The following ARMH3 variants were observed in gnomAD, a reference collection of about 807,000 sequenced individuals.
ARMH3 encodes the protein armadillo-like helical domain-containing protein 3.
A neutral mutation model predicts 99.1 loss-of-function variants in ARMH3; 60 were observed. That is an observed-to-expected ratio of 0.61 (90% confidence interval 0.49 to 0.75). The LOEUF (loss-of-function observed/expected upper bound fraction) is 0.75, where lower values mean the gene tolerates loss of function less well. Among genes scored for constraint, ARMH3 ranks in the 30% least tolerant of loss-of-function variants. ARMH3 has a pLI of 0.00. For synonymous variants in ARMH3, 285 were observed against 292.8 expected (o/e 0.97, Z 0.27); for missense variants, 679 against 843.1 (o/e 0.81, Z 2.41).
intron 22 of ARMH3, among the ~76,000 whole-genome samples, chr10:101,946,105 T>TAAAAAAAAAA (rs1844518460): frequency 1.4e-5 from 1 of 72,376 alleles, no homozygotes; most frequent in African/African-American, 7.6e-5. Flanking sequence ...AAAAAAAAAG[T>TAAAAAAAAAA]CCAGGAGGTA....
chr10:101,915,662 C>T (rs1475823936), intron 23 of ARMH3, among the ~76,000 whole-genome samples: 1 of 152,148 alleles, frequency 6.6e-6, no homozygotes, highest in Non-Finnish European at 1.5e-5. Flanking sequence ...ATCCCTGGGT[C>T]CCTGATATTG....
At chr10:102,027,456 G>C (rs1046165082) in intron 5 of ARMH3, among the ~76,000 whole-genome samples, 2 of 152,024 alleles carry the variant, frequency 1.3e-5, no homozygotes, top group Admixed American at 6.6e-5. Context: ...CCTCATCACA[G>C]CGTGGGGCCT....
At chr10:101,886,072 G>A (rs1386248561) in intron 24 of ARMH3, among the ~76,000 whole-genome samples, 1 of 150,770 alleles carries the variant, frequency 6.6e-6, no homozygotes, top group Non-Finnish European at 1.5e-5. Flanking sequence ...AAAAAAAGGG[G>A]GTTAAAATGG....
At position 101,845,980 on chromosome 10, in the gene ARMH3, T is replaced by C. The variant is rs2066459536; in HGVS notation, c.*1548A>G. ...TTTGCTCCCGCCATCCTGAGGGCTT[T>C]AGAAAGTGCTTTAAAAAGGGAGGAT... is the stretch of plus-strand genomic sequence containing the variant. On this transcript the variant is annotated 3_prime_UTR_variant, in exon 26 of 26. Transcript: ENST00000370033. 1 of 152,236 alleles carries C rather than the reference T, an allele frequency of 6.6e-6. No individual in the cohort carries two copies. The highest frequency in any genetic ancestry group is 2.4e-5 in the African/African-American group (1 of 41,444). 9.4% of individuals were successfully genotyped at this position (152,236 alleles called of 1,614,324 possible). A position where few individuals can be genotyped will look rare whatever the true frequency, so the allele number is the denominator to read the frequency against.
intron 23 of ARMH3, among the ~76,000 whole-genome samples, chr10:101,891,425 C>T (rs1589974193): frequency 1.3e-5 from 2 of 152,326 alleles, no homozygotes; most frequent in Middle Eastern, 6.8e-3. Flanking sequence ...AAACTCCTGA[C>T]CTTTCAGGTG....
At chr10:101,988,686 G>A (rs1417630491) in intron 19 of ARMH3, among the ~76,000 whole-genome samples, 2 of 152,198 alleles carry the variant, frequency 1.3e-5, no homozygotes, top group Non-Finnish European at 2.9e-5. Context: ...ACTTTGGGAA[G>A]CCAAGGCAGG....
chr10:101,945,690 C>A (rs1355541192), intron 22 of ARMH3, among the ~76,000 whole-genome samples: 2 of 150,984 alleles, frequency 1.3e-5, no homozygotes, highest in Non-Finnish European at 3.0e-5. Flanking sequence ...GGTGACACTC[C>A]AGCCTAGGTG....
chr10:102,049,930 CTT>C (rs1042298610), intron 1 of ARMH3, among the ~76,000 whole-genome samples: 15 of 152,090 alleles, frequency 9.9e-5, no homozygotes, highest in African/African-American at 3.6e-4. Flanking sequence ...GCCATTAAAT[CTT>C]TCTCTCTGGT....
intron 20 of ARMH3, among the ~76,000 whole-genome samples, chr10:101,971,339 G>C (rs988558572): frequency 1.3e-5 from 2 of 152,078 alleles, no homozygotes; most frequent in Non-Finnish European, 2.9e-5. Flanking sequence ...AGCACTTTGG[G>C]AGACAGAGGA....
intron 20 of ARMH3, among the ~76,000 whole-genome samples, chr10:101,965,745 T>G (rs571435764): frequency 3.3e-4 from 51 of 152,354 alleles, no homozygotes; most frequent in Non-Finnish European, 6.8e-4. Context: ...ATTTCTTCAT[T>G]GGCAAGTCTT....
At chr10:102,030,944 C>T (rs541755422) in intron 4 of ARMH3, among the ~76,000 whole-genome samples, 1 of 152,056 alleles carries the variant, frequency 6.6e-6, no homozygotes, top group South Asian at 2.1e-4. Flanking sequence ...CACCACCACG[C>T]CTGGCTAATT....
At chr10:102,023,822 C>T in intron 6 of ARMH3, 73 bp from the exon 7 acceptor site, 1 of 1,357,066 alleles carries the variant, frequency 7.4e-7, no homozygotes, top group Non-Finnish European at 1.0e-6. Flanking sequence ...CCTCCCCTAA[C>T]ATCTAAGAGA....
intron 20 of ARMH3, among the ~76,000 whole-genome samples, chr10:101,961,346 T>C (rs568147420): frequency 6.6e-6 from 1 of 152,198 alleles, no homozygotes; most frequent in East Asian, 1.9e-4. Flanking sequence ...CAACTAAAAC[T>C]GTTCCTAATT....
At chr10:101,946,107 C>G (rs1284541614) in intron 22 of ARMH3, among the ~76,000 whole-genome samples, 1 of 119,026 alleles carries the variant, frequency 8.4e-6, no homozygotes, top group Non-Finnish European at 1.6e-5. Flanking sequence ...AAAAAAAGTC[C>G]AGGAGGTAAT....
intron 20 of ARMH3, among the ~76,000 whole-genome samples, 163 bp downstream of exon 20, chr10:101,975,049 T>TAAAAAAAA (rs11399489): frequency 6.1e-3 from 178 of 29,358 alleles, no homozygotes; most frequent in Admixed American, 7.3e-3. Flanking sequence ...AGCTAAAACG[T>TAAAAAAAA]AAAAAAAAAA....
chr10:101,960,484 C>T (rs899267229), intron 20 of ARMH3, among the ~76,000 whole-genome samples: 3 of 152,102 alleles, frequency 2.0e-5, no homozygotes, highest in Non-Finnish European at 4.4e-5. Flanking sequence ...ATCCGATTTC[C>T]TCATTTTTGG....
chr10:101,883,653 G>T (rs1036287811), intron 24 of ARMH3, among the ~76,000 whole-genome samples: 1 of 152,134 alleles, frequency 6.6e-6, no homozygotes, highest in Middle Eastern at 3.4e-3. Context: ...TGGTCATGGG[G>T]TTTATCTATG....
intron 24 of ARMH3, among the ~76,000 whole-genome samples, chr10:101,867,554 G>A (rs548734535): frequency 7.2e-5 from 11 of 152,306 alleles, no homozygotes; most frequent in Admixed American, 6.5e-4. Flanking sequence ...AGCCATGGGC[G>A]AGGTGCAGTG....
intron 24 of ARMH3, among the ~76,000 whole-genome samples, chr10:101,876,156 G>A (rs2067256827): frequency 6.7e-6 from 1 of 148,888 alleles, no homozygotes; most frequent in Non-Finnish European, 1.5e-5. Context: ...GGCTGAGGCA[G>A]GAGAATTGCT....
Sources: allele counts gnomAD v4.1 joint callset (sites outside exome capture counted in the v4.1 genomes callset), GRCh38; gene constraint gnomAD v4.1.1; transcripts MANE v1.5; gene names NCBI Gene and HGNC (gene_info 2026-07-23, HGNC 2026-07-21).